Variants in AK5 observed in about 807,000 individuals in gnomAD.
The protein encoded by AK5 is adenylate kinase 5.
AK5 carries 27 observed loss-of-function variants against 69.5 expected under a neutral mutation model. The ratio of observed to expected loss-of-function variants is 0.39; its 90% CI spans 0.29 to 0.54. AK5 has a LOEUF of 0.54. Ranked by LOEUF, AK5 falls within the 20% of genes least tolerant of loss-of-function variation. The probability of loss-of-function intolerance (pLI) is 0.71; values close to 1 mark genes in which losing one functional copy is unlikely to be tolerated. For synonymous variants in AK5, 260 were observed against 244.4 expected (o/e 1.06, Z -0.60); for missense variants, 531 against 700.4 (o/e 0.76, Z 2.73).
intron 13 of AK5, among the ~76,000 whole-genome samples, chr1:77,549,439 C>G (rs1659709430): frequency 6.6e-6 from 1 of 152,080 alleles, no homozygotes; most frequent in South Asian, 2.1e-4. Context: ...TTTGTCCTTT[C>G]TTTGTGTTAT....
In AK5 at chr1:77,443,031, T is replaced by A. The variant is rs557654751; in HGVS notation, c.1059+25316T>A. On this transcript the variant is annotated intron_variant, in intron 8 of 13. Coordinates refer to ENST00000354567, the MANE Select transcript of AK5 (RefSeq NM_174858.3). ...TTTAACACAACTGACTCCATTTTGA[T>A]TCTGACAACTTTCACACCTACCGGG... Among the ~76,000 whole-genome samples, 5 of 152,348 alleles carry A rather than the reference T, an allele frequency of 3.3e-5. No homozygotes were observed. The East Asian group carries it at 9.6e-4, about 29-fold the overall frequency.
At chr1:77,544,117 G>A (rs1228722135) in intron 13 of AK5, among the ~76,000 whole-genome samples, 1 of 152,200 alleles carries the variant, frequency 6.6e-6, no homozygotes, top group Non-Finnish European at 1.5e-5. Flanking sequence ...TAAGACAATG[G>A]TAACCATTTG....
At chr1:77,394,644 G>A (rs1648715084) in intron 6 of AK5, among the ~76,000 whole-genome samples, 1 of 152,100 alleles carries the variant, frequency 6.6e-6, no homozygotes, top group Non-Finnish European at 1.5e-5. Context: ...ACAAGTTTTT[G>A]TAATGAATTA....
chr1:77,306,855 A>C (rs1359016911), intron 5 of AK5, among the ~76,000 whole-genome samples: 4 of 152,224 alleles, frequency 2.6e-5, no homozygotes, highest in African/African-American at 9.6e-5. Flanking sequence ...CATTTCTTCT[A>C]GATTTCCCAA....
intron 13 of AK5, among the ~76,000 whole-genome samples, chr1:77,539,810 C>T (rs1238314533): frequency 6.6e-6 from 1 of 152,114 alleles, no homozygotes; most frequent in African/African-American, 2.4e-5. Flanking sequence ...GATTGTTTGC[C>T]CCTCCTCCCT....
intron 2 of AK5, among the ~76,000 whole-genome samples, chr1:77,290,138 A>G (rs1658604441): frequency 6.6e-6 from 1 of 152,234 alleles, no homozygotes; most frequent in Non-Finnish European, 1.5e-5. Flanking sequence ...AACTTTTCGT[A>G]TACCTATGGT....
intron 8 of AK5, among the ~76,000 whole-genome samples, chr1:77,478,684 G>A (rs896012614): frequency 1.3e-5 from 2 of 152,240 alleles, no homozygotes; most frequent in African/African-American, 4.8e-5. Flanking sequence ...TCACTATGCT[G>A]TAATCAAACC....
rs749712310 is a variant in AK5, at chr1:77,499,869, C to CTTTTTTTTTTTTTTTTTTTTTTTTT, written c.1147+13517_1147+13518insTTTTTTTTTTTTTTTTTTTTTTTTT. On this transcript the variant is annotated intron_variant, in intron 10 of 13. Transcript: ENST00000354567. ...GATGACAGAGACCATGCCCTTTTTCCATTTTTTTTTTTTTTTTTTTTTTTT... is the reference window on the plus strand; with the variant it reads ...GATGACAGAGACCATGCCCTTTTTCCTTTTTTTTTTTTTTTTTTTTTTTTTATTTTTTTTTTTTTTTTTTTTTTTT... Among the ~76,000 whole-genome samples the CTTTTTTTTTTTTTTTTTTTTTTTTT allele has an allele frequency of 7.6e-5, 6 of 78,776 alleles. 3 individuals carry two copies. Among genetic ancestry groups the CTTTTTTTTTTTTTTTTTTTTTTTTT allele is most frequent in the Non-Finnish European group, 9.5e-5 (4 of 42,050 alleles). The allele number at this position is 78,776 out of a possible 152,430, so 51.7% of individuals were successfully genotyped here.
At chr1:77,389,920 C>T (rs974518386) in intron 6 of AK5, among the ~76,000 whole-genome samples, 1 of 152,000 alleles carries the variant, frequency 6.6e-6, no homozygotes, top group Admixed American at 6.6e-5. Flanking sequence ...CATGATCTCA[C>T]CACTGCACTC....
chr1:77,484,331 A>G (rs1655457456), intron 9 of AK5, among the ~76,000 whole-genome samples: 1 of 151,776 alleles, frequency 6.6e-6, no homozygotes, highest in African/African-American at 2.4e-5. Flanking sequence ...AATAAAAGTT[A>G]TAATATAAGT....
chr1:77,488,638 C>A (rs1655753948), intron 10 of AK5, among the ~76,000 whole-genome samples: 2 of 152,162 alleles, frequency 1.3e-5, no homozygotes, highest in South Asian at 4.2e-4. Context: ...AGAGCCAGTC[C>A]GAGTCGCAAA....
intron 13 of AK5, among the ~76,000 whole-genome samples, chr1:77,552,557 C>T (rs1659874262): frequency 6.6e-6 from 1 of 152,138 alleles, no homozygotes; most frequent in Non-Finnish European, 1.5e-5. Context: ...CTTTAGTTCA[C>T]TGTGATAGTA....
In AK5 at chr1:77,537,298, G is replaced by A. The variant is rs549268820; in HGVS notation, c.1620+1260G>A. Among the ~76,000 whole-genome samples, 12 of 152,222 alleles carry A rather than the reference G, an allele frequency of 7.9e-5. No homozygotes were observed. The South Asian group carries it at 1.0e-3, about 13-fold the overall frequency. ...GAAAACCAAGTAACTCCACGAGGCTGTGACATAAAGTGCCAAGGAAAAGAG... is the reference window on the plus strand; with the variant it reads ...GAAAACCAAGTAACTCCACGAGGCTATGACATAAAGTGCCAAGGAAAAGAG... On this transcript the variant is annotated intron_variant, in intron 13 of 13. Transcript: ENST00000354567.
intron 8 of AK5, among the ~76,000 whole-genome samples, chr1:77,479,814 C>T (rs1256672005): frequency 6.6e-6 from 1 of 152,110 alleles, no homozygotes; most frequent in Non-Finnish European, 1.5e-5. Flanking sequence ...GATGGAGCCT[C>T]AACACAGAAA....
intron 8 of AK5, among the ~76,000 whole-genome samples, chr1:77,444,683 T>A (rs1480180181): frequency 7.6e-6 from 1 of 132,374 alleles, no homozygotes; most frequent in East Asian, 2.1e-4. Context: ...ATATATAGTA[T>A]ATACATAGTA....
intron 6 of AK5, among the ~76,000 whole-genome samples, chr1:77,355,863 T>C: frequency 9.4e-6 from 1 of 106,916 alleles, no homozygotes; most frequent in Non-Finnish European, 1.8e-5. Flanking sequence ...ATGACCCTCA[T>C]TAAATACACA....
chr1:77,407,335 A>T (rs1274358146), intron 6 of AK5, among the ~76,000 whole-genome samples: 1 of 152,216 alleles, frequency 6.6e-6, no homozygotes, highest in Non-Finnish European at 1.5e-5. Context: ...AAAGGAATGA[A>T]CTAAGGATAT....
At chr1:77,332,558 T>C (rs568456880) in intron 5 of AK5, among the ~76,000 whole-genome samples, 45 of 150,648 alleles carry the variant, frequency 3.0e-4, no homozygotes, top group Non-Finnish European at 5.2e-4. Context: ...TGTCATTTAA[T>C]TTCTATACAT....
intron 6 of AK5, among the ~76,000 whole-genome samples, chr1:77,363,484 T>C (rs549732756): frequency 1.3e-5 from 2 of 152,336 alleles, no homozygotes; most frequent in South Asian, 2.1e-4. Context: ...TAAGATGATG[T>C]CACTTTCCTA....
Sources: allele counts gnomAD v4.1 joint callset (sites outside exome capture counted in the v4.1 genomes callset), GRCh38; gene constraint gnomAD v4.1.1; transcripts MANE v1.5; gene names NCBI Gene and HGNC (gene_info 2026-07-23, HGNC 2026-07-21).